Variants in AEBP2 observed in about 807,000 individuals in gnomAD.
AEBP2 encodes the protein zinc finger protein AEBP2.
In AEBP2, 10 loss-of-function variants were observed where a neutral mutation model predicts 50.8. That is an observed-to-expected ratio of 0.20 (90% CI 0.12 to 0.33). The LOEUF (loss-of-function observed/expected upper bound fraction) is 0.33. Ranked by LOEUF, AEBP2 falls within the 10% of genes least tolerant of loss-of-function variation. The probability of loss-of-function intolerance (pLI) is 1.00; values close to 1 mark genes in which losing one functional copy is unlikely to be tolerated. For synonymous variants in AEBP2, 296 were observed against 261.3 expected (o/e 1.13, Z -1.28); for missense variants, 570 against 688.0 (o/e 0.83, Z 1.92).
chr12:19,436,819 C>G (rs568276974), upstream of AEBP2, among the ~76,000 whole-genome samples: 3 of 152,172 alleles, frequency 2.0e-5, no homozygotes, highest in East Asian at 5.8e-4. Context: ...AGGCTGGTCT[C>G]GAACTCCTGG....
chr12:19,517,938 C>T, intron 7 of AEBP2, 149 bp from the exon 8 acceptor site: 3 of 674,164 alleles, frequency 4.4e-6, no homozygotes, highest in Non-Finnish European at 6.9e-6. Context: ...AGTATAGATC[C>T]ATATGTATAA....
upstream of AEBP2, among the ~76,000 whole-genome samples, chr12:19,435,587 T>A (rs575128701): frequency 6.6e-6 from 1 of 152,216 alleles, no homozygotes; most frequent in East Asian, 1.9e-4. Context: ...TATTTAACTA[T>A]TTTTAGCTTT....
At chr12:19,450,043 A>C (rs1209711180) in intron 1 of AEBP2, among the ~76,000 whole-genome samples, 2 of 152,190 alleles carry the variant, frequency 1.3e-5, no homozygotes, top group Admixed American at 6.5e-5. Context: ...ACTTGTCTTT[A>C]CTTTTTTTTC....
Position 19,440,219 on chromosome 12 carries a change from GGCAGCA to G in AEBP2, c.522_527del (p.Ser178_Ser179del). 1.4e-6 allele frequency: 2 copies of G among 1,466,636 alleles called. No individual in the cohort carries two copies. 90.9% of individuals were successfully genotyped at this position (1,466,636 alleles called of 1,614,324 possible). ...GGGCAGCCAGGGCGGCGGCGGGGGC[GGCAGCA>G]GTAGCAGCAGCGTAGTCTCCAGCGG... On this transcript the variant is annotated inframe_deletion, in exon 1 of 8. Transcript: ENST00000266508.
intron 1 of AEBP2, among the ~76,000 whole-genome samples, chr12:19,412,585 G>A (rs1041310888): frequency 1.5e-4 from 23 of 151,332 alleles, no homozygotes; most frequent in African/African-American, 5.3e-4. Flanking sequence ...GCCTCCGAAG[G>A]TTATTATTAT....
intron 5 of AEBP2, among the ~76,000 whole-genome samples, chr12:19,502,088 A>G (rs1330354651): frequency 6.6e-6 from 1 of 152,056 alleles, no homozygotes; most frequent in Admixed American, 6.6e-5. Context: ...GCAATTGGAC[A>G]TGTCCTTACT....
At chr12:19,435,444 G>GC (rs1287087921), upstream of AEBP2, among the ~76,000 whole-genome samples, 1 of 151,964 alleles carries the variant, frequency 6.6e-6, no homozygotes, top group African/African-American at 2.4e-5. Flanking sequence ...CACCTTGTTG[G>GC]CCAGGCTGGC....
intron 7 of AEBP2, among the ~76,000 whole-genome samples, chr12:19,516,378 C>T (rs374192228): frequency 2.7e-4 from 41 of 152,196 alleles, no homozygotes; most frequent in African/African-American, 9.6e-4. Flanking sequence ...TAGAACTAGT[C>T]GTAAACCTCT....
chr12:19,438,645 AAAC>A (rs1408579041), upstream of AEBP2, among the ~76,000 whole-genome samples: 8 of 152,352 alleles, frequency 5.3e-5, no homozygotes, highest in Middle Eastern at 3.4e-3. Context: ...AAAATATAAA[AAAC>A]AACCCAGATA....
Position 19,439,788 on chromosome 12 carries a change from G to C in AEBP2, c.89G>C (p.Arg30Pro). 1 of 1,514,684 alleles carries C rather than the reference G, an allele frequency of 6.6e-7. No individual in the cohort carries two copies. The highest frequency in any genetic ancestry group is 8.8e-7 in the Non-Finnish European group (1 of 1,138,086). 93.8% of individuals were successfully genotyped at this position (1,514,684 alleles called of 1,614,324 possible). ...CCCGGCAGCCCGGGTTCGGCGGCGC[G>C]GGGCCGGGCTGAGCCCCCCGAGGAG... ...LPPGSPGSAA[R>P]GRAEPPEEEE... The change falls in exon 1 of 8, where the codon CGG becomes CCG. Residue 30 changes from arginine (R) to proline (P), a missense_variant. Arg to Pro is a moderately radical substitution (Grantham distance 103). Coordinates refer to ENST00000266508, the MANE Select transcript of AEBP2 (RefSeq NM_153207.5).
At chr12:19,505,322 A>T (rs1038435296) in intron 5 of AEBP2, among the ~76,000 whole-genome samples, 2 of 152,220 alleles carry the variant, frequency 1.3e-5, no homozygotes, top group Non-Finnish European at 2.9e-5. Context: ...TTCACTTATT[A>T]AACTGTTTTA....
intron 1 of AEBP2, among the ~76,000 whole-genome samples, chr12:19,448,106 T>C (rs1430577923): frequency 1.3e-5 from 2 of 152,224 alleles, no homozygotes; most frequent in African/African-American, 4.8e-5. Context: ...TAGGTCTTGC[T>C]ATGTTGCCGA....
chr12:19,463,181 A>C (rs753125020), intron 2 of AEBP2, among the ~76,000 whole-genome samples: 5 of 152,192 alleles, frequency 3.3e-5, no homozygotes, highest in Admixed American at 6.5e-5. Flanking sequence ...GTGAGAATTG[A>C]TCATCTTTCC....
intron 3 of AEBP2, among the ~76,000 whole-genome samples, chr12:19,479,062 AG>A (rs1444169077): frequency 3.9e-5 from 6 of 152,254 alleles, no homozygotes; most frequent in Non-Finnish European, 8.8e-5. Flanking sequence ...TAAAAGAATT[AG>A]TTGAACATGG....
At chr12:19,492,945 C>T (rs1045350273) in intron 3 of AEBP2, among the ~76,000 whole-genome samples, 31 of 152,204 alleles carry the variant, frequency 2.0e-4, no homozygotes, top group African/African-American at 6.7e-4. Flanking sequence ...CACTGCACTT[C>T]AGCCTGGGTG....
At chr12:19,440,409 T>C (rs761668112) in intron 1 of AEBP2, 39 bp downstream of exon 1, 61 of 1,459,648 alleles carry the variant, frequency 4.2e-5, no homozygotes, top group Non-Finnish European at 5.2e-5. Context: ...CTTCCTCCTC[T>C]TGAACTCCCG....
intron 1 of AEBP2, chr12:19,457,369 C>A: frequency 6.9e-7 from 1 of 1,445,414 alleles, no homozygotes; most frequent in African/African-American, 1.4e-5. Flanking sequence ...TCTCTGTGTC[C>A]TAGGGCATCA....
At chr12:19,435,139 T>G (rs933209674), upstream of AEBP2, among the ~76,000 whole-genome samples, 2 of 152,002 alleles carry the variant, frequency 1.3e-5, no homozygotes, top group African/African-American at 4.8e-5. Context: ...GAACTTTTTT[T>G]TTTTTTTTGA....
intron 1 of AEBP2, among the ~76,000 whole-genome samples, chr12:19,445,007 C>A (rs1212249877): frequency 6.7e-6 from 1 of 150,300 alleles, no homozygotes; most frequent in Non-Finnish European, 1.5e-5. Context: ...GGACCACAGG[C>A]ACCTGGCCCA....
Sources: gnomAD v4.1 joint callset for allele counts (sites outside exome capture counted in the v4.1 genomes callset) on GRCh38, gnomAD v4.1.1 for gene constraint, MANE v1.5 for transcripts, NCBI Gene and HGNC (gene_info 2026-07-23, HGNC 2026-07-21) for gene names.